PI4KA: variants seen among roughly 807,000 people sequenced by gnomAD.
PI4KA encodes PI4-kinase alpha.
A neutral mutation model predicts 271.4 loss-of-function variants in PI4KA; 122 were observed. The observed-to-expected ratio is 0.45, with a 90% CI of 0.39 to 0.52. The LOEUF (loss-of-function observed/expected upper bound fraction) is 0.52. PI4KA is among the 20% of genes least tolerant of loss of function. The pLI is 0.00. For missense variants in PI4KA, 1,969 were observed against 2,769.1 expected (o/e 0.71, Z 6.48); for synonymous variants, 1,041 against 1,078.8 (o/e 0.96, Z 0.69).
At chr22:20,801,896 TATAA>T in intron 14 of PI4KA, 73 bp downstream of exon 14, 1 of 1,491,082 alleles carries the variant, frequency 6.7e-7, no homozygotes, top group Non-Finnish European at 9.3e-7. Context: ...AAAAAAGAAG[TATAA>T]ATGTCTCTTA....
At chr22:20,755,789 G>A (rs1432625167) in intron 23 of PI4KA, among the ~76,000 whole-genome samples, 3 of 146,940 alleles carry the variant, frequency 2.0e-5, no homozygotes, top group Non-Finnish European at 4.5e-5. Context: ...GTGACAGAGC[G>A]ACACACTGTC....
Position 20,793,257 on chromosome 22 carries a change from G to C in PI4KA, c.2278-14C>G. 6.7e-7 allele frequency: 1 copy of C among 1,491,310 alleles called. No individual in the cohort carries two copies. The highest frequency in any genetic ancestry group is 2.3e-5 in the East Asian group (1 of 44,168). The allele number at this position is 1,491,310 out of a possible 1,614,324, so 92.4% of individuals were successfully genotyped here. ...ACTGCTAGAAGCCTAGAAAAGAACA[G>C]AATTATTGTCATTAACGAGTATGTG... is the stretch of plus-strand genomic sequence containing the variant. On this transcript the variant is annotated splice_polypyrimidine_tract_variant and intron_variant, in intron 18 of 54. Coordinates refer to ENST00000255882, the MANE Select transcript of PI4KA (RefSeq NM_058004.4).
At chr22:20,802,253 A>T (rs1935376442) in intron 13 of PI4KA, 148 bp from the exon 14 acceptor site, 1 of 637,550 alleles carries the variant, frequency 1.6e-6, no homozygotes, top group African/African-American at 1.8e-5. Flanking sequence ...TTTCAGAAAG[A>T]GAAGAGTCTA....
intron 19 of PI4KA, among the ~76,000 whole-genome samples, chr22:20,790,699 AACACACACACACACACAC>A (rs362174): frequency 1.4e-5 from 2 of 139,310 alleles, no homozygotes; most frequent in African/African-American, 2.7e-5. Context: ...AAAAAAAACA[AACACACACACACACACAC>A]ACACACACAC....
intron 12 of PI4KA, 35 bp downstream of exon 12, chr22:20,804,264 TG>T (rs759308598): frequency 4.3e-6 from 6 of 1,385,276 alleles, no homozygotes; most frequent in Non-Finnish European, 6.2e-6. Context: ...GCCCTACAGG[TG>T]GGATCTGAGC....
rs1333639321 is a variant in PI4KA at position 20,707,871 on chromosome 22, A to C, written c.*176T>G. ...CATCCATTGATTGTCGCTGCAGTCC[A>C]TGGCGTTACCAAGGCTGCGCCACCC... On this transcript the variant is annotated 3_prime_UTR_variant, in exon 55 of 55. Coordinates refer to ENST00000255882, the MANE Select transcript of PI4KA (RefSeq NM_058004.4). The C allele has an allele frequency of 1.2e-5, 9 of 729,370 alleles. No individual in the cohort carries two copies. Among genetic ancestry groups the C allele is most frequent in the Non-Finnish European group, 2.3e-5 (9 of 394,654 alleles). 45.2% of individuals were successfully genotyped at this position (729,370 alleles called of 1,614,324 possible).
At chr22:20,818,615 G>C in intron 6 of PI4KA, 66 bp from the exon 7 acceptor site, 3 of 1,244,736 alleles carry the variant, frequency 2.4e-6, no homozygotes, top group Non-Finnish European at 1.1e-6. Flanking sequence ...ATTTGTCTTA[G>C]ACAAGGTCCT....
chr22:20,727,946 G>A (rs1220642850), intron 39 of PI4KA, 82 bp from the exon 40 acceptor site: 3 of 974,668 alleles, frequency 3.1e-6, no homozygotes, highest in South Asian at 2.9e-5. Flanking sequence ...AGGGGAGCCA[G>A]GGGGAAACAC....
rs1435452045 is a variant in PI4KA at position 20,779,943 on chromosome 22, A to G, written c.2328+13250T>C. ...CCGTAAGCTGACTCATCGCCTCTTC[A>G]GGAGGAATTTTGGGTACACACTGCG... On this transcript the variant is annotated intron_variant, in intron 19 of 54. Transcript: ENST00000255882. 5 of 1,614,088 alleles carry G rather than the reference A, an allele frequency of 3.1e-6. No homozygotes were observed. The African/African-American group carries it at 4.0e-5, about 13-fold the overall frequency.
intron 54 of PI4KA, among the ~76,000 whole-genome samples, chr22:20,708,727 C>T (rs1347657699): frequency 3.5e-5 from 4 of 114,230 alleles, no homozygotes; most frequent in Admixed American, 1.8e-4. Context: ...CTGCCCCCTT[C>T]GGGGATGGCT....
chr22:20,728,785 G>A (rs1927662053), intron 39 of PI4KA, among the ~76,000 whole-genome samples: 1 of 152,204 alleles, frequency 6.6e-6, no homozygotes, highest in African/African-American at 2.4e-5. Flanking sequence ...AGGAGGCTGT[G>A]GACCATCTGG....
rs2147850577 is a variant in PI4KA at position 20,858,639 on chromosome 22, G to A, written c.87C>T (p.Gly29=). 6.7e-7 allele frequency: 1 copy of A among 1,484,882 alleles called. No individual in the cohort carries two copies. 92.0% of individuals were successfully genotyped at this position (1,484,882 alleles called of 1,614,324 possible). A position where few individuals can be genotyped will look rare whatever the true frequency, so the allele number is the denominator to read the frequency against. ...CSGSGSSASR[G]FYFNTVLSLA... Reference sequence around the variant, plus strand: ...GTGACAGGACCGTGTTGAAATAGAAGCCCCGCGAGGCGCTGGAGCCGGAGC... The same window carrying A: ...GTGACAGGACCGTGTTGAAATAGAAACCCCGCGAGGCGCTGGAGCCGGAGC... Residue 29 remains glycine, a synonymous_variant, in exon 1 of 55, where the codon GGC becomes GGT. Coordinates refer to ENST00000255882, the MANE Select transcript of PI4KA (RefSeq NM_058004.4).
At chr22:20,824,558 A>G (rs1923132567) in intron 3 of PI4KA, 144 bp from the exon 4 acceptor site, 1 of 605,698 alleles carries the variant, frequency 1.7e-6, no homozygotes, top group Non-Finnish European at 2.9e-6. Flanking sequence ...GACGAGTCTC[A>G]AAAGAACAGC....
At chr22:20,745,917 C>T (rs1015637778) in intron 29 of PI4KA, among the ~76,000 whole-genome samples, 1 of 151,908 alleles carries the variant, frequency 6.6e-6, no homozygotes, top group Non-Finnish European at 1.5e-5. Context: ...CGGCTCACTG[C>T]AGCCTCCACC....
chr22:20,850,874 T>TA (rs947998164), intron 1 of PI4KA, among the ~76,000 whole-genome samples: 8 of 152,002 alleles, frequency 5.3e-5, no homozygotes, highest in African/African-American at 1.2e-4. Context: ...ACCCCATCTC[T>TA]AAAAAAATTT....
intron 26 of PI4KA, 102 bp downstream of exon 26, chr22:20,751,572 C>T (rs2147329328): frequency 1.8e-6 from 2 of 1,095,300 alleles, no homozygotes; most frequent in South Asian, 1.3e-5. Flanking sequence ...TATGTTCAGG[C>T]TTATTGTCAG....
chr22:20,740,862 A>G (rs1195325779), intron 32 of PI4KA, among the ~76,000 whole-genome samples: 2 of 152,238 alleles, frequency 1.3e-5, no homozygotes, highest in Admixed American at 1.3e-4. Context: ...TGGGCCTAGA[A>G]AAAATAATCC....
intron 23 of PI4KA, among the ~76,000 whole-genome samples, chr22:20,757,094 T>C (rs1931395757): frequency 2.6e-5 from 4 of 152,220 alleles, no homozygotes; most frequent in African/African-American, 9.6e-5. Context: ...GCTCATCTTA[T>C]ACCTGCAGAG....
chr22:20,760,799 A>C (rs1235960931), intron 23 of PI4KA, among the ~76,000 whole-genome samples: 1 of 152,140 alleles, frequency 6.6e-6, no homozygotes, highest in East Asian at 1.9e-4. Flanking sequence ...AGGGCTGGTA[A>C]CAGCTGAGGC....
Sources: gnomAD v4.1 joint callset for allele counts (sites outside exome capture counted in the v4.1 genomes callset) on GRCh38, gnomAD v4.1.1 for gene constraint, MANE v1.5 for transcripts, NCBI Gene and HGNC (gene_info 2026-07-23, HGNC 2026-07-21) for gene names.